Variants in HDAC9 observed in about 807,000 individuals in gnomAD.
HDAC9 encodes the protein MEF-2 interacting transcription repressor (MITR) protein.
A neutral mutation model predicts 139.4 loss-of-function variants in HDAC9; 41 were observed. The observed-to-expected ratio is 0.29, with a 90% CI of 0.23 to 0.38. The LOEUF is 0.38. HDAC9 is among the 10% of genes least tolerant of loss of function. HDAC9 has a pLI of 1.00. For missense variants in HDAC9, 1,147 were observed against 1,297.0 expected, an observed-to-expected ratio of 0.88 and a Z score of 1.78; for synonymous variants, 517 against 476.2, an observed-to-expected ratio of 1.09 and a Z score of -1.12.
At chr7:18,300,716 T>C (rs1377693020) in intron 1 of HDAC9, among the ~76,000 whole-genome samples, 1 of 152,138 alleles carries the variant, frequency 6.6e-6, no homozygotes. Flanking sequence ...CCATTCCACA[T>C]AAACAGACCG....
At chr7:18,491,010 G>T (rs574215024), upstream of HDAC9, among the ~76,000 whole-genome samples, 23 of 151,974 alleles carry the variant, frequency 1.5e-4, no homozygotes, top group African/African-American at 4.8e-4. Flanking sequence ...AAAAGTCTCT[G>T]CTTGATTACA....
intron 2 of HDAC9, among the ~76,000 whole-genome samples, chr7:18,164,608 T>G (rs1271067694): frequency 6.6e-6 from 1 of 152,158 alleles, no homozygotes; most frequent in Non-Finnish European, 1.5e-5. Context: ...TTGGTTCTGG[T>G]ATAGTGTGAA....
chr7:18,740,477 C>T (rs896422376), intron 13 of HDAC9, among the ~76,000 whole-genome samples: 4 of 152,228 alleles, frequency 2.6e-5, no homozygotes, highest in African/African-American at 7.2e-5. Context: ...CCAATCAAGA[C>T]AGTGAACTTG....
intron 2 of HDAC9, among the ~76,000 whole-genome samples, chr7:18,164,449 T>C (rs1306322037): frequency 3.3e-5 from 5 of 152,240 alleles, no homozygotes; most frequent in African/African-American, 1.2e-4. Flanking sequence ...AAATTGGTCT[T>C]ATGCAATCAT....
intron 13 of HDAC9, among the ~76,000 whole-genome samples, chr7:18,742,109 C>T (rs905939092): frequency 6.6e-6 from 1 of 152,172 alleles, no homozygotes; most frequent in Admixed American, 6.5e-5. Flanking sequence ...GTTGATAAAG[C>T]AGCAGCAGAG....
chr7:18,558,354 G>A (rs577979783), intron 2 of HDAC9, among the ~76,000 whole-genome samples: 1 of 152,188 alleles, frequency 6.6e-6, no homozygotes, highest in Admixed American at 6.5e-5. Context: ...AGAAATAAGG[G>A]GTAAGAGGAA....
At chr7:18,461,666 CT>C (rs1255133601) in intron 1 of HDAC9, among the ~76,000 whole-genome samples, 1 of 152,090 alleles carries the variant, frequency 6.6e-6, no homozygotes, top group Non-Finnish European at 1.5e-5. Context: ...GAAGTTGTCA[CT>C]TTGTCACTTT....
At chr7:18,668,882 A>G in intron 12 of HDAC9, 24 of 983,464 alleles carry the variant, frequency 2.4e-5, no homozygotes, top group Non-Finnish European at 2.9e-5. Flanking sequence ...AACTTGCCGT[A>G]TTTAATCGAA....
chr7:18,602,640 G>C (rs767961558), intron 6 of HDAC9, among the ~76,000 whole-genome samples: 6 of 151,506 alleles, frequency 4.0e-5, no homozygotes, highest in Non-Finnish European at 7.4e-5. Flanking sequence ...TTGATAAGTT[G>C]TATTTTCATT....
At chr7:18,818,256 C>A (rs933334838) in intron 17 of HDAC9, among the ~76,000 whole-genome samples, 1 of 152,156 alleles carries the variant, frequency 6.6e-6, no homozygotes, top group Admixed American at 6.5e-5. Flanking sequence ...TTATTGAACT[C>A]TAAATTACCA....
intron 12 of HDAC9, among the ~76,000 whole-genome samples, chr7:18,688,010 C>A (rs1782398896): frequency 6.6e-6 from 1 of 151,592 alleles, no homozygotes; most frequent in Non-Finnish European, 1.5e-5. Context: ...TATAAGCTAA[C>A]TGAAAACATG....
At chr7:18,706,388 G>A (rs1324966667) in intron 12 of HDAC9, among the ~76,000 whole-genome samples, 2 of 152,072 alleles carry the variant, frequency 1.3e-5, no homozygotes, top group South Asian at 2.1e-4. Flanking sequence ...TAAAATATTT[G>A]CTTAATGATT....
chr7:18,241,673 C>G (rs1794196336), intron 2 of HDAC9, among the ~76,000 whole-genome samples: 1 of 152,230 alleles, frequency 6.6e-6, no homozygotes, highest in Admixed American at 6.5e-5. Flanking sequence ...GTTCTGGTCA[C>G]TTGGCTCAAC....
chr7:18,569,476 T>C (rs915743100), intron 2 of HDAC9, among the ~76,000 whole-genome samples: 1 of 152,208 alleles, frequency 6.6e-6, no homozygotes, highest in South Asian at 2.1e-4. Flanking sequence ...TTTCTTATAC[T>C]TTTGATTGTA....
intron 25 of HDAC9, among the ~76,000 whole-genome samples, chr7:18,990,007 C>T (rs962702226): frequency 4.6e-5 from 7 of 151,820 alleles, no homozygotes; most frequent in Non-Finnish European, 8.8e-5. Flanking sequence ...GAATGTCCTC[C>T]CGTAGCTCAG....
rs148941986 is a variant in HDAC9, at chr7:18,236,675, C to G, written c.25+74326C>G. Among the ~76,000 whole-genome samples, 40 of 152,194 alleles carry G rather than the reference C, an allele frequency of 2.6e-4. 1 individual carries two copies. The East Asian group carries it at 6.9e-3, about 26-fold the overall frequency. The stretch of plus-strand genomic sequence containing the variant: ...AAACAGATGAAGTGAACAGACAGAC[C>G]TTGGTGCCTCATGTAGTGTCAGGAG... On this transcript the variant is annotated intron_variant, in intron 2 of 12. Coordinates refer to the HDAC9 transcript ENST00000417496.
At chr7:18,853,071 G>A (rs1797421448) in intron 21 of HDAC9, among the ~76,000 whole-genome samples, 1 of 152,082 alleles carries the variant, frequency 6.6e-6, no homozygotes, top group Admixed American at 6.6e-5. Context: ...TTCAGAATGT[G>A]GACTGAGGCT....
rs767306143 is a variant in HDAC9, at chr7:18,092,424, C to A, written c.-97+5211C>A. Among the ~76,000 whole-genome samples, 344 of 149,440 alleles carry A rather than the reference C, an allele frequency of 2.3e-3. 5 individuals carry two copies. The highest frequency in any genetic ancestry group is 4.4e-4 in the Non-Finnish European group (30 of 67,574). On this transcript the variant is annotated intron_variant, in intron 1 of 12. Coordinates refer to the HDAC9 transcript ENST00000417496. Reference sequence around the variant, plus strand: ...CTTTTTTTTTTTTTAAAAAAAAGAACCTCTGGTAAAGTCAGCAGACCTGAC... The same window carrying A: ...CTTTTTTTTTTTTTAAAAAAAAGAAACTCTGGTAAAGTCAGCAGACCTGAC...
intron 1 of HDAC9, among the ~76,000 whole-genome samples, chr7:18,133,097 C>A (rs1220853500): frequency 3.3e-5 from 5 of 152,112 alleles, no homozygotes; most frequent in Non-Finnish European, 5.9e-5. Flanking sequence ...TTGATTCAGA[C>A]TTCTTCCCAC....
Sources: allele counts gnomAD v4.1 joint callset (sites outside exome capture counted in the v4.1 genomes callset), GRCh38; gene constraint gnomAD v4.1.1; transcripts MANE v1.5; gene names NCBI Gene and HGNC (gene_info 2026-07-23, HGNC 2026-07-21).